CCBE1: variants seen among roughly 807,000 people sequenced by gnomAD.
CCBE1 encodes the protein collagen and calcium-binding EGF domain-containing protein 1.
In CCBE1, 37 loss-of-function variants were observed where a neutral mutation model predicts 50.0. The observed-to-expected ratio is 0.74, with a 90% CI of 0.57 to 0.97. The LOEUF is 0.97. CCBE1 is among the 50% of genes least tolerant of loss of function. The probability of loss-of-function intolerance (pLI) is 0.00; values close to 1 mark genes in which losing one functional copy is unlikely to be tolerated. For missense variants in CCBE1, 538 were observed against 523.8 expected, an observed-to-expected ratio of 1.03 and a Z score of -0.26; for synonymous variants, 234 against 203.7, an observed-to-expected ratio of 1.15 and a Z score of -1.27.
chr18:59,669,243 C>G (rs1263715854), intron 2 of CCBE1, among the ~76,000 whole-genome samples: 1 of 152,172 alleles, frequency 6.6e-6, no homozygotes, highest in Non-Finnish European at 1.5e-5. Flanking sequence ...CTCCCATAAC[C>G]CCTCACAGAT....
intron 5 of CCBE1, 78 bp downstream of exon 5, chr18:59,466,661 T>C (rs1417199184): frequency 4.5e-6 from 4 of 892,302 alleles, no homozygotes; most frequent in Non-Finnish European, 6.5e-6. Flanking sequence ...CTATATAATA[T>C]ATAAACCCCC....
At chr18:59,505,640 T>C (rs767328663) in intron 2 of CCBE1, among the ~76,000 whole-genome samples, 1 of 152,200 alleles carries the variant, frequency 6.6e-6, no homozygotes, top group Non-Finnish European at 1.5e-5. Context: ...CTAAAATAAT[T>C]TATAAAGACA....
At chr18:59,455,098 C>T (rs1457760509) in intron 5 of CCBE1, 147 bp from the exon 6 acceptor site, 1 of 709,704 alleles carries the variant, frequency 1.4e-6, no homozygotes, top group South Asian at 1.5e-5. Flanking sequence ...TTACAGCTCT[C>T]AGGTCCTGCC....
At chr18:59,478,573 A>G (rs572555913) in intron 3 of CCBE1, among the ~76,000 whole-genome samples, 2 of 152,330 alleles carry the variant, frequency 1.3e-5, no homozygotes, top group East Asian at 3.9e-4. Context: ...TATGTTAATT[A>G]TAGGTGCTGT....
intron 2 of CCBE1, among the ~76,000 whole-genome samples, chr18:59,543,846 A>AAAAAAAAAAAAAAAAG (rs1915574386): frequency 1.4e-5 from 2 of 140,586 alleles, no homozygotes; most frequent in Non-Finnish European, 3.0e-5. Flanking sequence ...AAAAAAAAAA[A>AAAAAAAAAAAAAAAAG]AAAAAAAAAA....
At chr18:59,623,529 T>C (rs1400225949) in intron 2 of CCBE1, among the ~76,000 whole-genome samples, 1 of 152,226 alleles carries the variant, frequency 6.6e-6, no homozygotes, top group African/African-American at 2.4e-5. Context: ...TGGACAAGGA[T>C]AGGATGCCTT....
intron 2 of CCBE1, among the ~76,000 whole-genome samples, chr18:59,675,593 C>A (rs1200145117): frequency 6.6e-6 from 1 of 152,102 alleles, no homozygotes; most frequent in African/African-American, 2.4e-5. Flanking sequence ...TTTTGATAAT[C>A]CCCAGTGATT....
At chr18:59,547,054 G>GGA (rs1555690904) in intron 2 of CCBE1, among the ~76,000 whole-genome samples, 1,086 of 98,650 alleles carry the variant, frequency 0.011, 44 homozygotes, top group African/African-American at 0.042. Context: ...GGAGAGAGGG[G>GGA]GAGAGAGGGG....
intron 7 of CCBE1, among the ~76,000 whole-genome samples, chr18:59,446,404 G>C (rs974361439): frequency 1.3e-5 from 2 of 152,170 alleles, no homozygotes; most frequent in African/African-American, 4.8e-5. Flanking sequence ...TATAAGGAGA[G>C]ACCCCAGTCT....
intron 2 of CCBE1, among the ~76,000 whole-genome samples, chr18:59,534,245 G>A (rs1044856049): frequency 1.3e-5 from 2 of 152,034 alleles, no homozygotes; most frequent in African/African-American, 4.8e-5. Flanking sequence ...CTATAACTTC[G>A]GTATCATGTA....
intron 2 of CCBE1, among the ~76,000 whole-genome samples, chr18:59,674,315 C>T (rs1380279723): frequency 1.3e-5 from 2 of 152,196 alleles, no homozygotes; most frequent in African/African-American, 4.8e-5. Context: ...GATGAGTTCA[C>T]GTCCTTTGTG....
At chr18:59,600,270 T>C (rs1361075107) in intron 2 of CCBE1, among the ~76,000 whole-genome samples, 1 of 151,754 alleles carries the variant, frequency 6.6e-6, no homozygotes, top group Non-Finnish European at 1.5e-5. Flanking sequence ...ATGTGAGGGA[T>C]GTAGGTTGCA....
At chr18:59,474,148 C>G (rs1039868423) in intron 3 of CCBE1, among the ~76,000 whole-genome samples, 1 of 152,116 alleles carries the variant, frequency 6.6e-6, no homozygotes, top group Non-Finnish European at 1.5e-5. Context: ...CTATGGGCAC[C>G]TAGGTTGATT....
At chr18:59,627,401 C>T (rs1020629732) in intron 2 of CCBE1, among the ~76,000 whole-genome samples, 1 of 152,234 alleles carries the variant, frequency 6.6e-6, no homozygotes, top group East Asian at 1.9e-4. Flanking sequence ...CCACCTTTTA[C>T]ACCTCATTCT....
intron 2 of CCBE1, among the ~76,000 whole-genome samples, chr18:59,593,429 A>G (rs1041250851): frequency 2.0e-5 from 3 of 152,248 alleles, no homozygotes; most frequent in African/African-American, 4.8e-5. Flanking sequence ...AGTATTGCCA[A>G]CAATAACTTT....
intron 2 of CCBE1, among the ~76,000 whole-genome samples, chr18:59,506,328 C>T (rs1293261044): frequency 6.6e-6 from 1 of 152,186 alleles, no homozygotes; most frequent in African/African-American, 2.4e-5. Context: ...AAGGAACCAA[C>T]CCTGAGGATA....
At chr18:59,521,973 A>G (rs1049187891) in intron 2 of CCBE1, among the ~76,000 whole-genome samples, 1 of 152,234 alleles carries the variant, frequency 6.6e-6, no homozygotes, top group African/African-American at 2.4e-5. Context: ...ATGCCTATAC[A>G]CAATAAACAA....
intron 2 of CCBE1, among the ~76,000 whole-genome samples, chr18:59,538,060 C>T (rs1054222471): frequency 5.3e-5 from 8 of 152,132 alleles, no homozygotes; most frequent in Non-Finnish European, 1.0e-4. Context: ...GGTACTTAAG[C>T]AAAACAGCTT....
At chr18:59,645,391 G>A (rs948332945) in intron 2 of CCBE1, among the ~76,000 whole-genome samples, 3 of 152,130 alleles carry the variant, frequency 2.0e-5, no homozygotes, top group Admixed American at 6.5e-5. Context: ...TCACACAAAC[G>A]GCAGACAAGT....
Sources: gnomAD v4.1 joint callset for allele counts (sites outside exome capture counted in the v4.1 genomes callset) on GRCh38, gnomAD v4.1.1 for gene constraint, MANE v1.5 for transcripts, NCBI Gene and HGNC (gene_info 2026-07-23, HGNC 2026-07-21) for gene names.